Variants in SCN8A observed in about 807,000 individuals in gnomAD.
The protein encoded by SCN8A is sodium voltage-gated channel alpha subunit 8, also known as sodium channel protein type 8 subunit alpha.
A neutral mutation model predicts 184.1 loss-of-function variants in SCN8A; 30 were observed. That is an observed-to-expected ratio of 0.16 (90% confidence interval 0.12 to 0.22). The LOEUF (loss-of-function observed/expected upper bound fraction) is 0.22, where lower values mean the gene tolerates loss of function less well. SCN8A is among the 10% of genes least tolerant of loss of function. The probability of loss-of-function intolerance (pLI) is 1.00; values close to 1 mark genes in which losing one functional copy is unlikely to be tolerated. For synonymous variants in SCN8A, 852 were observed against 907.0 expected (o/e 0.94, Z 1.09); for missense variants, 1,057 against 2,498.9 (o/e 0.42, Z 12.30).
At chr12:51,700,806 G>C (rs919461553) in intron 7 of SCN8A, among the ~76,000 whole-genome samples, 1 of 152,168 alleles carries the variant, frequency 6.6e-6, no homozygotes. Flanking sequence ...TAGAAGAATA[G>C]AGTGGTATAA....
At chr12:51,624,255 A>T (rs990504558) in intron 1 of SCN8A, among the ~76,000 whole-genome samples, 4 of 152,138 alleles carry the variant, frequency 2.6e-5, no homozygotes, top group Non-Finnish European at 5.9e-5. Context: ...CTATTTCTCC[A>T]CATCCTCTCT....
At chr12:51,803,541 C>G (rs780222961) in intron 26 of SCN8A, among the ~76,000 whole-genome samples, 3 of 151,960 alleles carry the variant, frequency 2.0e-5, no homozygotes, top group Non-Finnish European at 4.4e-5. Flanking sequence ...CCTACAGTAC[C>G]CCTTAAATGG....
chr12:51,719,842 C>T lies in SCN8A; in HGVS notation c.1636-1704C>T, dbSNP rs1413206582. Among the ~76,000 whole-genome samples, 19 of 152,070 alleles carry T rather than the reference C, an allele frequency of 1.2e-4. No homozygotes were observed. In the East Asian group the frequency reaches 1.5e-3, roughly 12 times the overall value. ...CTGTAATCCCAGCACTTTGGGAGGC[C>T]GAGGCGGGCGGATCACGAGGTCAGG... On this transcript the variant is annotated intron_variant, in intron 11 of 26. Transcript: ENST00000627620.
chr12:51,715,657 C>CA (rs71092719), intron 11 of SCN8A, among the ~76,000 whole-genome samples: 1,341 of 71,704 alleles, frequency 0.019, 34 homozygotes, highest in African/African-American at 0.053. Flanking sequence ...GTCTCTGTCT[C>CA]AAAAAAAAAA....
intron 1 of SCN8A, among the ~76,000 whole-genome samples, chr12:51,628,775 C>G (rs528596107): frequency 1.3e-5 from 2 of 152,190 alleles, no homozygotes; most frequent in East Asian, 3.9e-4. Context: ...TTGGCAGATA[C>G]CCACCTGTTT....
chr12:51,652,813 T>G (rs1592356763), intron 1 of SCN8A, among the ~76,000 whole-genome samples: 1 of 152,342 alleles, frequency 6.6e-6, no homozygotes, highest in East Asian at 1.9e-4. Context: ...AAAGCCTGTT[T>G]TACTTTATTG....
At chr12:51,722,112 T>G in intron 12 of SCN8A, 1 of 749,270 alleles carries the variant, frequency 1.3e-6, no homozygotes, top group Non-Finnish European at 2.1e-6. Context: ...CTCTTCAGTT[T>G]TCCCCCTATT....
chr12:51,763,180 A>G (rs997009977), intron 15 of SCN8A, among the ~76,000 whole-genome samples: 1 of 152,242 alleles, frequency 6.6e-6, no homozygotes, highest in African/African-American at 2.4e-5. Context: ...TTCCCAACTT[A>G]TGATGGCTCA....
Position 51,769,275 on chromosome 12 carries a change from C to T in SCN8A, c.3312C>T (p.Asp1104=). Residue 1104 remains aspartate, a synonymous_variant, in exon 17 of 27, where the codon GAC becomes GAT. Transcript: ENST00000627620. ...TACCCATTGCTGTGGGCGAGTCTGA[C>T]TTTGAGAACCTCAACACAGAGGATG... is the stretch of plus-strand genomic sequence containing the variant. ...VRVPIAVGES[D]FENLNTEDVS... 1 of 1,610,454 alleles carries T rather than the reference C, an allele frequency of 6.2e-7. No individual in the cohort carries two copies. The highest frequency in any genetic ancestry group is 8.5e-7 in the Non-Finnish European group (1 of 1,177,020).
chr12:51,676,446 C>T (rs1457444381), intron 2 of SCN8A, among the ~76,000 whole-genome samples: 2 of 152,178 alleles, frequency 1.3e-5, no homozygotes, highest in South Asian at 2.1e-4. Context: ...TTATATTTTC[C>T]GTTATTAAAC....
intron 14 of SCN8A, among the ~76,000 whole-genome samples, chr12:51,753,496 A>G (rs1011222178): frequency 1.1e-4 from 17 of 152,252 alleles, no homozygotes; most frequent in African/African-American, 4.1e-4. Context: ...CAAATAAGGA[A>G]GTTGGGTACG....
Position 51,806,119 on chromosome 12 carries a change from T to C in SCN8A, c.4796-163T>C, listed in dbSNP as rs1210144005. Among the ~76,000 whole-genome samples the C allele has an allele frequency of 6.6e-6, 1 of 152,194 alleles. No homozygotes were observed. The highest frequency in any genetic ancestry group is 2.4e-5 in the African/African-American group (1 of 41,468). On this transcript the variant is annotated intron_variant, in intron 26 of 26. Coordinates refer to ENST00000627620, the MANE Select transcript of SCN8A (RefSeq NM_001330260.2). This position sits in a 1 kb window ranked among gnomAD's most constrained non-coding sequence, Gnocchi z 8.7. ...CTGGGATTACAGGCGTGAGCCCCCA[T>C]GCCCAGCCAAAATGTCACTTTTTGA...
chr12:51,626,850 GTATT>G (rs141604399), intron 1 of SCN8A, among the ~76,000 whole-genome samples: 4,531 of 150,098 alleles, frequency 0.03, 229 homozygotes, highest in African/African-American at 0.1. Context: ...ATGTAAATTA[GTATT>G]TATTTATTTA....
intron 11 of SCN8A, among the ~76,000 whole-genome samples, chr12:51,720,159 A>G (rs501324): frequency 0.81 from 119,066 of 146,562 alleles, 49,128 homozygotes; most frequent in East Asian, 0.9. Context: ...ATTTAAAAAC[A>G]TCAATGCCGG....
chr12:51,702,561 C>A lies in SCN8A; in HGVS notation c.993-212C>A, dbSNP rs917177850. 5.9e-5 allele frequency among the ~76,000 whole-genome samples: 9 copies of A among 152,236 alleles called. 3 individuals carry two copies. Among genetic ancestry groups the A allele is most frequent in the Admixed American group, 5.9e-4 (9 of 15,292 alleles). The stretch of plus-strand genomic sequence containing the variant: ...GGAATCTGCATTTTTAAAGACCATG[C>A]CAGGTGATTCTGACCCTAGGCTGTC... On this transcript the variant is annotated intron_variant, in intron 8 of 26. Transcript: ENST00000627620.
intron 25 of SCN8A, among the ~76,000 whole-genome samples, chr12:51,794,147 A>C (rs931853852): frequency 6.6e-6 from 1 of 152,198 alleles, no homozygotes; most frequent in African/African-American, 2.4e-5. Context: ...CTGTGTCTCA[A>C]GAAAAACAAA....
chr12:51,760,945 C>CG (rs1942753664), intron 14 of SCN8A, among the ~76,000 whole-genome samples: 1 of 152,058 alleles, frequency 6.6e-6, no homozygotes, highest in African/African-American at 2.4e-5. Context: ...CATCTATAAT[C>CG]TAAGTATTTT....
At chr12:51,786,391 CTTGTCAG>C in intron 21 of SCN8A, 144 bp from the exon 22 acceptor site, 1 of 888,994 alleles carries the variant, frequency 1.1e-6, no homozygotes, top group Non-Finnish European at 1.7e-6. Context: ...TTTGGTCCTA[CTTGTCAG>C]TCTGTCCAGT....
chr12:51,608,089 C>T (rs1157433950), intron 1 of SCN8A, among the ~76,000 whole-genome samples: 1 of 147,592 alleles, frequency 6.8e-6, no homozygotes, highest in African/African-American at 2.5e-5. Context: ...GGCGTGATCT[C>T]GGCTCACTGC....
Sources: gnomAD v4.1 joint callset for allele counts (sites outside exome capture counted in the v4.1 genomes callset) on GRCh38, gnomAD v4.1.1 for gene constraint, Gnocchi (gnomAD v3.1) non-coding constraint, MANE v1.5 for transcripts, NCBI Gene and HGNC (gene_info 2026-07-23, HGNC 2026-07-21) for gene names.